The following AP2B1 variants were observed in gnomAD, a reference collection of about 807,000 sequenced individuals.
AP2B1 encodes AP-2 complex subunit beta.
A neutral mutation model predicts 102.0 loss-of-function variants in AP2B1; 23 were observed. The observed-to-expected ratio is 0.23, with a 90% CI of 0.16 to 0.32. The LOEUF (loss-of-function observed/expected upper bound fraction) is 0.32. Among genes scored for constraint, AP2B1 ranks in the 10% least tolerant of loss-of-function variants. The pLI is 1.00. For synonymous variants in AP2B1, 381 were observed against 421.2 expected (o/e 0.90, Z 1.17); for missense variants, 541 against 1,157.4 (o/e 0.47, Z 7.73).
chr17:35,604,652 G>A lies in AP2B1; in HGVS notation c.144-1053G>A, dbSNP rs1437768347. Among the ~76,000 whole-genome samples the A allele has an allele frequency of 2.6e-5, 4 of 152,110 alleles. No individual in the cohort carries two copies. In the East Asian group the frequency reaches 5.8e-4, roughly 22 times the overall value. ...GCACGCCTGTAATCTCAGCTACTTA[G>A]GAGGCTGACACATTAGAATTGCTTG... On this transcript the variant is annotated intron_variant, in intron 3 of 21. Coordinates refer to ENST00000610402, the MANE Select transcript of AP2B1 (RefSeq NM_001030006.2).
In AP2B1 at chr17:35,621,308, A is replaced by G. The variant is rs1262428309; in HGVS notation, c.526-3089A>G. ...TGCGACTGATTTATTTTAAGTTTTC[A>G]TTGAAGAGTGAGAGAAACTCGGCTT... On this transcript the variant is annotated intron_variant, in intron 5 of 21. Transcript: ENST00000610402. The G allele has an allele frequency of 5.1e-6, 5 of 985,284 alleles. No individual in the cohort carries two copies. The African/African-American group carries it at 5.2e-5, about 10-fold the overall frequency. The allele number at this position is 985,284 out of a possible 1,614,324, so 61.0% of individuals were successfully genotyped here.
intron 17 of AP2B1, among the ~76,000 whole-genome samples, chr17:35,679,534 G>A (rs995672882): frequency 1.3e-5 from 2 of 151,962 alleles, no homozygotes; most frequent in African/African-American, 4.8e-5. Flanking sequence ...AACTCCTTGT[G>A]CCTGCCTACT....
At chr17:35,700,621 T>C (rs2076222306) in intron 18 of AP2B1, among the ~76,000 whole-genome samples, 1 of 152,114 alleles carries the variant, frequency 6.6e-6, no homozygotes, top group Non-Finnish European at 1.5e-5. Context: ...GAGTTCAGAC[T>C]GAGTTCATGT....
At chr17:35,704,650 G>A (rs762550853) in intron 18 of AP2B1, among the ~76,000 whole-genome samples, 1 of 152,118 alleles carries the variant, frequency 6.6e-6, no homozygotes, top group Non-Finnish European at 1.5e-5. Context: ...AGCTTTCTGG[G>A]AAGTGTTAAT....
At chr17:35,676,142 A>G (rs547875407) in intron 17 of AP2B1, among the ~76,000 whole-genome samples, 1 of 152,306 alleles carries the variant, frequency 6.6e-6, no homozygotes, top group South Asian at 2.1e-4. Context: ...CTACCTGTAA[A>G]TTGGAGGCAG....
chr17:35,635,242 C>T (rs559654755), intron 9 of AP2B1, among the ~76,000 whole-genome samples: 3 of 152,146 alleles, frequency 2.0e-5, no homozygotes, highest in Admixed American at 6.5e-5. Flanking sequence ...TTAGTAGAGA[C>T]GGGGTTTCAC....
intron 18 of AP2B1, among the ~76,000 whole-genome samples, chr17:35,707,911 C>T (rs1555585615): frequency 3.9e-5 from 6 of 152,154 alleles, no homozygotes. Flanking sequence ...TGTTAGTTGA[C>T]AGGTTAAAAG....
chr17:35,650,557 CG>C lies in AP2B1; in HGVS notation c.1568del (p.Gly523AlafsTer18). The C allele has an allele frequency of 6.2e-7, 1 of 1,614,032 alleles. No individual in the cohort carries two copies. The highest frequency in any genetic ancestry group is 8.5e-7 in the Non-Finnish European group (1 of 1,179,998). On this transcript the variant is annotated frameshift_variant, in exon 13 of 22. Coordinates refer to ENST00000610402, the MANE Select transcript of AP2B1 (RefSeq NM_001030006.2). LOFTEE classifies it high-confidence loss of function. ...TTCTGATAATCCTGACCTTCGAGAC[CG>C]GGGCTATATTTATTGGCGCCTTCTC... ...QDSDNPDLRDRGYIYWRLLST... is the reference protein window; with the variant it reads ...QDSDNPDLRDXGYIYWRLLST...
At chr17:35,630,373 A>G (rs899183385) in intron 9 of AP2B1, among the ~76,000 whole-genome samples, 1 of 152,160 alleles carries the variant, frequency 6.6e-6, no homozygotes, top group African/African-American at 2.4e-5. Context: ...CACTGTCACC[A>G]CACGTCACAA....
Position 35,628,036 on chromosome 17 carries a change from A to G in AP2B1, c.1155+310A>G, listed in dbSNP as rs115868129. On this transcript the variant is annotated intron_variant, in intron 9 of 21. Transcript: ENST00000610402. ...GATCAAAAATATTCAGGGGAAAAGAAAAAGGATGGTTTTGTCTGTACTGAA... is the reference window on the plus strand; with the variant it reads ...GATCAAAAATATTCAGGGGAAAAGAGAAAGGATGGTTTTGTCTGTACTGAA... 8.8e-3 allele frequency among the ~76,000 whole-genome samples: 1,337 copies of G among 152,310 alleles called. 25 individuals carry two copies. The highest frequency in any genetic ancestry group is 0.031 in the African/African-American group (1,268 of 41,562).
intron 1 of AP2B1, among the ~76,000 whole-genome samples, chr17:35,589,899 A>G (rs1289563909): frequency 7.9e-6 from 1 of 126,508 alleles, no homozygotes; most frequent in Non-Finnish European, 1.7e-5. Flanking sequence ...CTTTAGCTCT[A>G]TTTTGTTTAC....
At chr17:35,714,881 A>G (rs1364781415) in intron 20 of AP2B1, among the ~76,000 whole-genome samples, 1 of 152,208 alleles carries the variant, frequency 6.6e-6, no homozygotes, top group African/African-American at 2.4e-5. Flanking sequence ...CATTCTCATT[A>G]TCAAACTCTC....
chr17:35,600,627 A>T (rs2073447142), intron 3 of AP2B1, among the ~76,000 whole-genome samples: 1 of 152,016 alleles, frequency 6.6e-6, no homozygotes, highest in African/African-American at 2.4e-5. Flanking sequence ...TTGCAAAAAA[A>T]TAAAAAAGCA....
At chr17:35,721,117 G>T (rs949145340) in intron 21 of AP2B1, among the ~76,000 whole-genome samples, 16 of 148,800 alleles carry the variant, frequency 1.1e-4, no homozygotes, top group African/African-American at 3.9e-4. Context: ...TCCTAAGAGG[G>T]GTTAATAAAA....
chr17:35,670,466 T>C (rs2075563493), intron 14 of AP2B1, among the ~76,000 whole-genome samples: 1 of 152,094 alleles, frequency 6.6e-6, no homozygotes, highest in African/African-American at 2.4e-5. Flanking sequence ...CGCCCCCCAC[T>C]ATAAGTTTCC....
At chr17:35,607,410 G>A (rs1037643353) in intron 4 of AP2B1, among the ~76,000 whole-genome samples, 3 of 152,162 alleles carry the variant, frequency 2.0e-5, no homozygotes, top group Non-Finnish European at 4.4e-5. Flanking sequence ...CTCCATGACT[G>A]GTGGTTCATA....
chr17:35,630,086 G>A (rs1011350089), intron 9 of AP2B1, among the ~76,000 whole-genome samples: 1 of 152,194 alleles, frequency 6.6e-6, no homozygotes, highest in Non-Finnish European at 1.5e-5. Flanking sequence ...GTACTTTACC[G>A]GAACAAAAGG....
intron 14 of AP2B1, among the ~76,000 whole-genome samples, chr17:35,659,331 G>A (rs551362918): frequency 6.6e-6 from 1 of 152,282 alleles, no homozygotes; most frequent in South Asian, 2.1e-4. Context: ...GGGATAGAGG[G>A]GAGAAAGAGG....
chr17:35,625,562 C>T (rs375851944), intron 6 of AP2B1, among the ~76,000 whole-genome samples: 1 of 152,170 alleles, frequency 6.6e-6, no homozygotes, highest in East Asian at 1.9e-4. Context: ...GTGTTCCAGG[C>T]TCTGAGGATA....
Sources: gnomAD v4.1 joint callset for allele counts (sites outside exome capture counted in the v4.1 genomes callset) on GRCh38, gnomAD v4.1.1 for gene constraint, MANE v1.5 for transcripts, NCBI Gene and HGNC (gene_info 2026-07-23, HGNC 2026-07-21) for gene names.